Variants in PAPPA2 observed in about 807,000 individuals in gnomAD.
The protein encoded by PAPPA2 is pappalysin 2.
Under a neutral mutation model 176.4 loss-of-function variants are expected in PAPPA2, and 86 were observed. That is an observed-to-expected ratio of 0.49 (90% CI 0.41 to 0.58). PAPPA2 has a LOEUF of 0.58. Among genes scored for constraint, PAPPA2 ranks in the 20% least tolerant of loss-of-function variants. The probability of loss-of-function intolerance (pLI) is 0.00; values close to 1 mark genes in which losing one functional copy is unlikely to be tolerated. For missense variants in PAPPA2, 2,073 were observed against 2,256.9 expected (o/e 0.92, Z 1.65); for synonymous variants, 809 against 852.2 (o/e 0.95, Z 0.88).
chr1:176,705,367 C>T (rs1186578765), intron 9 of PAPPA2, among the ~76,000 whole-genome samples: 1 of 152,194 alleles, frequency 6.6e-6, no homozygotes, highest in Middle Eastern at 3.2e-3. Context: ...AAACCATTCT[C>T]ATTTCTAATT....
chr1:176,583,639 A>G (rs542572488), intron 2 of PAPPA2, among the ~76,000 whole-genome samples: 77 of 152,222 alleles, frequency 5.1e-4, no homozygotes, highest in East Asian at 1.9e-4. Context: ...TGGTCTCACT[A>G]TGTTGCCTAG....
At chr1:176,793,942 A>G (rs1665301471) in intron 20 of PAPPA2, among the ~76,000 whole-genome samples, 1 of 152,120 alleles carries the variant, frequency 6.6e-6, no homozygotes, top group African/African-American at 2.4e-5. Context: ...AAAATACAAA[A>G]AATTAGCCCA....
At chr1:176,617,495 T>A (rs151173689) in intron 3 of PAPPA2, among the ~76,000 whole-genome samples, 1 of 152,280 alleles carries the variant, frequency 6.6e-6, no homozygotes, top group Non-Finnish European at 1.5e-5. Flanking sequence ...ATTATATCAT[T>A]CTTATGCCTT....
intron 14 of PAPPA2, among the ~76,000 whole-genome samples, chr1:176,754,536 G>T (rs1419455519): frequency 2.6e-5 from 4 of 151,976 alleles, no homozygotes; most frequent in Non-Finnish European, 5.9e-5. Context: ...TATACCAGAA[G>T]TATTCTCTTA....
chr1:176,841,597 A>AT (rs1203975361), intron 22 of PAPPA2, among the ~76,000 whole-genome samples: 3 of 151,974 alleles, frequency 2.0e-5, no homozygotes, highest in Non-Finnish European at 4.4e-5. Flanking sequence ...CAAATACCTG[A>AT]TTTTTTCTGA....
Position 176,670,077 on chromosome 1 carries a change from G to A in PAPPA2, c.1992-893G>A, listed in dbSNP as rs113327293. ...AAGTCTAAGGGACCATTGAGCTCTG[G>A]TTTGGTTGTTCCTTCTTAAAAAACA... On this transcript the variant is annotated intron_variant, in intron 3 of 22. Transcript: ENST00000367662. 3.8e-3 allele frequency among the ~76,000 whole-genome samples: 572 copies of A among 152,278 alleles called. 4 individuals carry two copies. The highest frequency in any genetic ancestry group is 0.013 in the African/African-American group (535 of 41,568).
intron 17 of PAPPA2, among the ~76,000 whole-genome samples, chr1:176,786,966 T>C (rs1394287355): frequency 6.6e-6 from 1 of 152,104 alleles, no homozygotes; most frequent in Non-Finnish European, 1.5e-5. Flanking sequence ...AAAAACTACC[T>C]ACAGGATACT....
intron 19 of PAPPA2, among the ~76,000 whole-genome samples, chr1:176,793,060 C>T (rs1371228925): frequency 6.6e-6 from 1 of 152,104 alleles, no homozygotes; most frequent in African/African-American, 2.4e-5. Flanking sequence ...AATTTCTGGG[C>T]CATTTCCCGC....
chr1:176,608,409 C>A (rs753842549), intron 3 of PAPPA2, among the ~76,000 whole-genome samples: 2 of 152,106 alleles, frequency 1.3e-5, no homozygotes, highest in Non-Finnish European at 2.9e-5. Flanking sequence ...AACATAAAAC[C>A]ACTTTAAAAT....
chr1:176,612,443 A>C (rs937541395), intron 3 of PAPPA2, among the ~76,000 whole-genome samples: 1 of 152,112 alleles, frequency 6.6e-6, no homozygotes, highest in African/African-American at 2.4e-5. Flanking sequence ...AAAAAAGACT[A>C]AGGTAGTGGC....
chr1:176,627,298 G>C (rs1218484707), intron 3 of PAPPA2, among the ~76,000 whole-genome samples: 1 of 152,180 alleles, frequency 6.6e-6, no homozygotes, highest in Non-Finnish European at 1.5e-5. Flanking sequence ...GTTGGATTAA[G>C]TCAACAACTT....
intron 3 of PAPPA2, among the ~76,000 whole-genome samples, chr1:176,629,111 C>G (rs1656196648): frequency 6.6e-6 from 1 of 152,182 alleles, no homozygotes; most frequent in Non-Finnish European, 1.5e-5. Context: ...TATACAGTAT[C>G]AGAGCCAGCC....
chr1:176,793,929 C>T (rs188507679), intron 20 of PAPPA2, among the ~76,000 whole-genome samples: 179 of 152,238 alleles, frequency 1.2e-3, no homozygotes, highest in Non-Finnish European at 1.9e-3. Context: ...CCCATCTCTA[C>T]TAAAAATACA....
At chr1:176,674,014 A>C (rs1192651069) in intron 4 of PAPPA2, among the ~76,000 whole-genome samples, 1 of 152,024 alleles carries the variant, frequency 6.6e-6, no homozygotes, top group Non-Finnish European at 1.5e-5. Context: ...TCTGCTTGTG[A>C]TTTTCTTTTA....
chr1:176,615,302 A>G (rs943046653), intron 3 of PAPPA2, among the ~76,000 whole-genome samples: 1 of 152,038 alleles, frequency 6.6e-6, no homozygotes, highest in Non-Finnish European at 1.5e-5. Context: ...GATTTTCACA[A>G]TGGAGGTTTT....
intron 1 of PAPPA2, among the ~76,000 whole-genome samples, chr1:176,510,444 A>T (rs1459285103): frequency 6.6e-6 from 1 of 152,186 alleles, no homozygotes; most frequent in East Asian, 1.9e-4. Context: ...ATTTCTTTTA[A>T]AAGTGGAGTT....
intron 21 of PAPPA2, among the ~76,000 whole-genome samples, chr1:176,820,002 A>G (rs1470634469): frequency 6.6e-6 from 1 of 152,192 alleles, no homozygotes; most frequent in African/African-American, 2.4e-5. Flanking sequence ...ACTTTCCTTC[A>G]GAAGCTCCTC....
chr1:176,773,116 G>A (rs918827944), intron 17 of PAPPA2, among the ~76,000 whole-genome samples: 2 of 152,166 alleles, frequency 1.3e-5, no homozygotes, highest in African/African-American at 4.8e-5. Flanking sequence ...GACTGAGAAA[G>A]TGGATGCTTG....
chr1:176,646,184 G>A (rs546513888), intron 3 of PAPPA2, among the ~76,000 whole-genome samples: 3 of 151,468 alleles, frequency 2.0e-5, no homozygotes, highest in Non-Finnish European at 3.0e-5. Context: ...ATGTCCTAGA[G>A]CATTTCCCCA....
Sources: allele counts gnomAD v4.1 joint callset (sites outside exome capture counted in the v4.1 genomes callset), GRCh38; gene constraint gnomAD v4.1.1; transcripts MANE v1.5; gene names NCBI Gene and HGNC (gene_info 2026-07-23, HGNC 2026-07-21).